CDC25C: variants seen among roughly 807,000 people sequenced by gnomAD.
CDC25C encodes cell division cycle 25C.
CDC25C carries 48 observed loss-of-function variants against 52.5 expected under a neutral mutation model. The ratio of observed to expected loss-of-function variants is 0.91; its 90% CI spans 0.72 to 1.16. CDC25C has a LOEUF of 1.16. Ranked by LOEUF, CDC25C falls within the 50% of genes most tolerant of loss-of-function variation. CDC25C has a pLI of 0.00. For missense variants in CDC25C, 510 were observed against 566.1 expected (o/e 0.90, Z 1.01); for synonymous variants, 187 against 206.5 (o/e 0.91, Z 0.81).
chr5:138,296,415 T>C (rs191862104), intron 7 of CDC25C, among the ~76,000 whole-genome samples: 1 of 151,524 alleles, frequency 6.6e-6, no homozygotes, highest in Non-Finnish European at 1.5e-5. Flanking sequence ...TTTGTATTTG[T>C]ATTTTATTTT....
intron 1 of CDC25C, chr5:138,337,781 G>A: frequency 5.2e-6 from 2 of 388,100 alleles, no homozygotes; most frequent in Non-Finnish European, 9.5e-6. Context: ...TTCACGCCGC[G>A]GACGGGTCCT....
chr5:138,337,527 A>C, intron 1 of CDC25C: 1 of 201,958 alleles, frequency 5.0e-6, no homozygotes, highest in Non-Finnish European at 1.0e-5. Flanking sequence ...TCACAATCCC[A>C]TTACCTCATC....
Position 138,305,115 on chromosome 5 carries a change from C to T in CDC25C, c.616-12999G>A, listed in dbSNP as rs550489864. Reference sequence around the variant, plus strand: ...TGCAACATTCCTTCTTCATGAAATGCTCCTGCCTCTACTCTTGTCATATAT... The same window carrying T: ...TGCAACATTCCTTCTTCATGAAATGTTCCTGCCTCTACTCTTGTCATATAT... On this transcript the variant is annotated intron_variant, in intron 7 of 13. Transcript: ENST00000323760. 3.9e-5 allele frequency among the ~76,000 whole-genome samples: 6 copies of T among 152,362 alleles called. No individual in the cohort carries two copies. The South Asian group carries it at 1.0e-3, about 26-fold the overall frequency.
chr5:138,299,621 T>C lies in CDC25C; in HGVS notation c.616-7505A>G, dbSNP rs191223072. On this transcript the variant is annotated intron_variant, in intron 7 of 13. Transcript: ENST00000323760. ...ACTTTGAGATGAATGAAAACTAAGA[T>C]ACAACATACCAAAGCTTATGGGATA... Among the ~76,000 whole-genome samples the C allele has an allele frequency of 3.3e-5, 5 of 151,264 alleles. No individual in the cohort carries two copies. The East Asian group carries it at 9.7e-4, about 29-fold the overall frequency.
At chr5:138,307,129 C>A (rs1758069200) in intron 7 of CDC25C, among the ~76,000 whole-genome samples, 1 of 152,054 alleles carries the variant, frequency 6.6e-6, no homozygotes, top group Non-Finnish European at 1.5e-5. Flanking sequence ...CAGGCATGAG[C>A]CACCGTGCCC....
intron 6 of CDC25C, among the ~76,000 whole-genome samples, chr5:138,324,457 A>T (rs1245033004): frequency 6.6e-6 from 1 of 151,958 alleles, no homozygotes; most frequent in African/African-American, 2.4e-5. Context: ...GGAAAAAAAA[A>T]AACTTTAAAA....
At chr5:138,327,348 A>G (rs1005636249) in intron 4 of CDC25C, among the ~76,000 whole-genome samples, 2 of 123,462 alleles carry the variant, frequency 1.6e-5, no homozygotes, top group African/African-American at 6.3e-5. Flanking sequence ...GGGCCCAGTG[A>G]CTCACATCTG....
intron 7 of CDC25C, among the ~76,000 whole-genome samples, chr5:138,313,130 C>G (rs1169562159): frequency 6.6e-6 from 1 of 151,844 alleles, no homozygotes; most frequent in African/African-American, 2.4e-5. Flanking sequence ...AATCTCAGCA[C>G]TTTGGGAGGC....
At chr5:138,315,300 G>A (rs1248877343) in intron 7 of CDC25C, among the ~76,000 whole-genome samples, 1 of 152,048 alleles carries the variant, frequency 6.6e-6, no homozygotes, top group Non-Finnish European at 1.5e-5. Context: ...CTCTTACTAT[G>A]CCTAAGTAAA....
intron 7 of CDC25C, among the ~76,000 whole-genome samples, chr5:138,302,877 T>G: frequency 6.8e-6 from 1 of 146,024 alleles, no homozygotes; most frequent in South Asian, 2.2e-4. Context: ...CTGGACAAAA[T>G]GGTGAGATCC....
At position 138,313,995 on chromosome 5, in the gene CDC25C, C is replaced by CTTTCTTTCTTTCT. The variant is rs1554117939; in HGVS notation, c.615+5223_615+5224insAGAAAGAAAGAAA. 5.3e-3 allele frequency among the ~76,000 whole-genome samples: 593 copies of CTTTCTTTCTTTCT among 112,652 alleles called. 6 individuals are homozygous for CTTTCTTTCTTTCT. The highest frequency in any genetic ancestry group is 6.8e-3 in the Non-Finnish European group (377 of 55,342). 73.9% of individuals were successfully genotyped at this position (112,652 alleles called of 152,430 possible). On this transcript the variant is annotated intron_variant, in intron 7 of 13. Coordinates refer to ENST00000323760, the MANE Select transcript of CDC25C (RefSeq NM_001790.5). ...TCTTTCTTTCTTTCTTTCTTTCTTTCTTTTTTTTTTTTTTTTGAGATGGAG... is the reference window on the plus strand; with the variant it reads ...TCTTTCTTTCTTTCTTTCTTTCTTTCTTTCTTTCTTTCTTTTTTTTTTTTTTTTTGAGATGGAG...
chr5:138,328,764 T>C (rs1039190400), intron 3 of CDC25C: 1 of 386,678 alleles, frequency 2.6e-6, no homozygotes, highest in African/African-American at 2.0e-5. Flanking sequence ...TACACTATGC[T>C]ACCTATGGAG....
intron 6 of CDC25C, among the ~76,000 whole-genome samples, chr5:138,324,517 T>C (rs1286717036): frequency 1.3e-5 from 2 of 151,882 alleles, no homozygotes; most frequent in African/African-American, 4.8e-5. Context: ...CCCAGCACTT[T>C]GGGGGGCAGA....
At chr5:138,301,690 C>CA (rs1194730456) in intron 7 of CDC25C, among the ~76,000 whole-genome samples, 53 of 101,402 alleles carry the variant, frequency 5.2e-4, no homozygotes, top group African/African-American at 1.8e-3. Flanking sequence ...TAGAGGTACA[C>CA]AAAAAAAAAA....
chr5:138,319,705 C>T (rs1759194894), intron 6 of CDC25C, among the ~76,000 whole-genome samples: 1 of 152,118 alleles, frequency 6.6e-6, no homozygotes, highest in Non-Finnish European at 1.5e-5. Flanking sequence ...GTAACAACAA[C>T]AATAACAATC....
intron 7 of CDC25C, among the ~76,000 whole-genome samples, chr5:138,317,283 A>G (rs1057090462): frequency 6.6e-6 from 1 of 152,182 alleles, no homozygotes; most frequent in African/African-American, 2.4e-5. Flanking sequence ...CTAGAATGCA[A>G]CTGTTCTAAC....
chr5:138,324,760 C>A (rs937334377), intron 6 of CDC25C, among the ~76,000 whole-genome samples: 5 of 147,500 alleles, frequency 3.4e-5, no homozygotes, highest in Admixed American at 6.7e-5. Context: ...CTCTGTCTCA[C>A]CAAAAAAAAA....
chr5:138,297,102 G>C (rs1445612512), intron 7 of CDC25C, among the ~76,000 whole-genome samples: 1 of 150,408 alleles, frequency 6.6e-6, no homozygotes. Flanking sequence ...TAGTAGAGAC[G>C]GGGTTTCACC....
rs745577829 is a variant in CDC25C, at chr5:138,319,253, A to C, written c.581T>G (p.Leu194Ter). The change falls in exon 7 of 14, where the codon TTA (leucine) becomes TGA (stop). Residue 194 changes from leucine (L) to a stop codon, truncating the protein, a stop_gained. Transcript: ENST00000323760. LOFTEE classifies it high-confidence loss of function. ...EDQAEEISDELMEFSLKDQEA... is the reference protein window; with the variant it reads ...EDQAEEISDE The stretch of plus-strand genomic sequence containing the variant: ...TTGATCTTTCAGGGAAAACTCCATT[A>C]ATTCATCTGAAATCTCTTCTGCCTG... The C allele has an allele frequency of 5.0e-6, 8 of 1,613,620 alleles. No homozygotes were observed. The highest frequency in any genetic ancestry group is 6.8e-6 in the Non-Finnish European group (8 of 1,179,736).
Sources: gnomAD v4.1 joint callset for allele counts (sites outside exome capture counted in the v4.1 genomes callset) on GRCh38, gnomAD v4.1.1 for gene constraint, MANE v1.5 for transcripts, NCBI Gene and HGNC (gene_info 2026-07-23, HGNC 2026-07-21) for gene names.